The following MACC1 variants were observed in gnomAD, a reference collection of about 807,000 sequenced individuals.
MACC1 encodes the protein metastasis-associated in colon cancer protein 1.
Under a neutral mutation model 70.7 loss-of-function variants are expected in MACC1, and 79 were observed. That is an observed-to-expected ratio of 1.12 (90% CI 0.93 to 1.35). The LOEUF (loss-of-function observed/expected upper bound fraction) is 1.35, where lower values mean the gene tolerates loss of function less well. Among genes scored for constraint, MACC1 ranks in the 40% most tolerant of loss-of-function variants. The probability of loss-of-function intolerance (pLI) is 0.00; values close to 1 mark genes in which losing one functional copy is unlikely to be tolerated. For missense variants in MACC1, 1,106 were observed against 978.1 expected, an observed-to-expected ratio of 1.13 and a Z score of -1.74; for synonymous variants, 361 against 347.2, an observed-to-expected ratio of 1.04 and a Z score of -0.44.
intron 1 of MACC1, among the ~76,000 whole-genome samples, chr7:20,200,144 G>A (rs1248856172): frequency 6.6e-6 from 1 of 151,590 alleles, no homozygotes; most frequent in Non-Finnish European, 1.5e-5. Flanking sequence ...TAAACACCTA[G>A]GAGTGTGTGG....
intron 1 of MACC1, among the ~76,000 whole-genome samples, chr7:20,203,413 A>C (rs3114473): frequency 0.54 from 81,928 of 152,010 alleles, 23,194 homozygotes; most frequent in East Asian, 0.87. Flanking sequence ...GCTGCTGCTG[A>C]TGATGATGAT....
chr7:20,171,947 T>C (rs1332006590), intron 1 of MACC1, among the ~76,000 whole-genome samples: 2 of 152,238 alleles, frequency 1.3e-5, no homozygotes, highest in South Asian at 4.2e-4. Flanking sequence ...AAAACTGCCC[T>C]GGGTAAGAAA....
chr7:20,145,345 G>A (rs10265489), intron 6 of MACC1, among the ~76,000 whole-genome samples: 5 of 152,050 alleles, frequency 3.3e-5, no homozygotes, highest in East Asian at 3.9e-4. Context: ...GGGGGCATAC[G>A]ACAGGTACAA....
chr7:20,147,009 A>T (rs1400941113), intron 6 of MACC1, among the ~76,000 whole-genome samples: 1 of 152,214 alleles, frequency 6.6e-6, no homozygotes, highest in Non-Finnish European at 1.5e-5. Flanking sequence ...AGCGTGAGTA[A>T]GTATTTAACA....
intron 1 of MACC1, among the ~76,000 whole-genome samples, chr7:20,196,923 C>T (rs919141873): frequency 2.6e-5 from 4 of 152,132 alleles, no homozygotes; most frequent in African/African-American, 9.7e-5. Context: ...CCCCACAAAA[C>T]CCCTAATTTT....
intron 1 of MACC1, among the ~76,000 whole-genome samples, chr7:20,182,701 A>T (rs1185751632): frequency 6.6e-6 from 1 of 152,042 alleles, no homozygotes; most frequent in Non-Finnish European, 1.5e-5. Context: ...TTCCCCCATA[A>T]AACACCCAAT....
Position 20,206,084 on chromosome 7 carries a change from T to C in MACC1, c.-218+11215A>G, listed in dbSNP as rs995727012. 5.9e-5 allele frequency among the ~76,000 whole-genome samples: 9 copies of C among 151,790 alleles called. No individual in the cohort carries two copies. The Middle Eastern group carries it at 0.01, about 172-fold the overall frequency. On this transcript the variant is annotated intron_variant, in intron 1 of 6. Coordinates refer to ENST00000400331, the MANE Select transcript of MACC1 (RefSeq NM_182762.4). The stretch of plus-strand genomic sequence containing the variant: ...TCGTCTTTCTCACACATTATCGTCA[T>C]CTGCTTGGTAAATCCACTACCCAGG...
At chr7:20,186,764 T>G (rs1482184047) in intron 1 of MACC1, among the ~76,000 whole-genome samples, 1 of 152,146 alleles carries the variant, frequency 6.6e-6, no homozygotes, top group African/African-American at 2.4e-5. Flanking sequence ...CTACACAATT[T>G]TAATACCCAA....
At chr7:20,183,660 C>T (rs1258477969) in intron 1 of MACC1, among the ~76,000 whole-genome samples, 1 of 151,818 alleles carries the variant, frequency 6.6e-6, no homozygotes, top group Non-Finnish European at 1.5e-5. Context: ...CCTGTAATAT[C>T]CTAATTCCAA....
intron 6 of MACC1, among the ~76,000 whole-genome samples, chr7:20,141,747 G>A (rs142910577): frequency 1.7e-3 from 257 of 152,118 alleles, no homozygotes; most frequent in African/African-American, 6.1e-3. Context: ...CCAATACTCA[G>A]TGCTGCTTCT....
In MACC1 at chr7:20,159,699, T is replaced by C. The variant is rs773473161; in HGVS notation, c.662A>G (p.Gln221Arg). The change falls in exon 5 of 7, where the codon CAA (glutamine) becomes CGA (arginine). Residue 221 changes from glutamine to arginine, a missense_variant. Physicochemically the swap from Gln to Arg is conservative, Grantham distance 43. Transcript: ENST00000400331. Reference sequence around the variant, plus strand: ...TTCAGGTAATTGTACTGACCCTCCTTGATGGTTTACTTTGCAAGCTATGGT... The same window carrying C: ...TTCAGGTAATTGTACTGACCCTCCTCGATGGTTTACTTTGCAAGCTATGGT... ...EVTIACKVNH[Q>R]GGSVQLPESD... The C allele has an allele frequency of 1.2e-6, 2 of 1,614,014 alleles. No individual in the cohort carries two copies. The highest frequency in any genetic ancestry group is 2.2e-5 in the East Asian group (1 of 44,896).
chr7:20,170,235 T>C (rs1782283956), intron 2 of MACC1: 1 of 152,234 alleles, frequency 6.6e-6, no homozygotes, highest in South Asian at 2.1e-4. Context: ...GGTAAAATAT[T>C]GTCTTCAAAA....
rs113098272 is a variant in MACC1 at position 20,140,860 on chromosome 7, CAG to C, written c.*84_*85del. The C allele has an allele frequency of 3.8e-5, 36 of 949,044 alleles. No homozygotes were observed. Among genetic ancestry groups the C allele is most frequent in the Admixed American group, 2.8e-4 (13 of 46,682 alleles). The allele number at this position is 949,044 out of a possible 1,614,324, so 58.8% of individuals were successfully genotyped here. A position where few individuals can be genotyped will look rare whatever the true frequency, so the allele number is the denominator to read the frequency against. On this transcript the variant is annotated 3_prime_UTR_variant, in exon 7 of 7. Transcript: ENST00000400331. Reference sequence around the variant, plus strand: ...ACACAGACACACACACACAGACACACAGAGACACACACAGACACACACAGACA... The same window carrying C: ...ACACAGACACACACACACAGACACACAGACACACACAGACACACACAGACA...
chr7:20,159,461 A>G lies in MACC1; in HGVS notation c.900T>C (p.Pro300=). ...CCATTTCTGTCATGACTTGGCTGAA[A>G]GGATCCTTTCTTACTTCAGCCCCAA... The part of the protein sequence containing the change: ...MKIGAEVRKD[P]FSQVMTEMVC... The change falls in exon 5 of 7, where the codon CCT becomes CCC. Residue 300 remains proline (P), a synonymous_variant. Coordinates refer to ENST00000400331, the MANE Select transcript of MACC1 (RefSeq NM_182762.4). 6.2e-7 allele frequency: 1 copy of G among 1,614,084 alleles called. No individual in the cohort carries two copies.
chr7:20,214,664 C>T (rs1783043312), intron 1 of MACC1, among the ~76,000 whole-genome samples: 1 of 152,032 alleles, frequency 6.6e-6, no homozygotes, highest in South Asian at 2.1e-4. Context: ...ATTGCTTATT[C>T]TGTGAGTGTT....
intron 1 of MACC1, among the ~76,000 whole-genome samples, chr7:20,204,243 C>G (rs987347285): frequency 6.6e-6 from 1 of 152,088 alleles, no homozygotes; most frequent in Non-Finnish European, 1.5e-5. Context: ...CAAACTCCGC[C>G]TCCCGGGTTC....
chr7:20,158,275 C>T lies in MACC1; in HGVS notation c.2086G>A (p.Val696Ile), dbSNP rs1308491345. 1 of 1,611,578 alleles carries T rather than the reference C, an allele frequency of 6.2e-7. No individual in the cohort carries two copies. The highest frequency in any genetic ancestry group is 1.1e-5 in the South Asian group (1 of 90,502). ...CAATCTTCCTTTAACTTCTTTATAACATAAGAAACTTTCTCTGATTCTTTG... is the reference window on the plus strand; with the variant it reads ...CAATCTTCCTTTAACTTCTTTATAATATAAGAAACTTTCTCTGATTCTTTG... Reference protein sequence around the residue: ...ADKESEKVSYVIKKLKEDCHT... With the variant: ...ADKESEKVSYIIKKLKEDCHT... Residue 696 changes from valine to isoleucine, a missense_variant, in exon 5 of 7, where the codon GTT becomes ATT. By Grantham distance (29) the Val-to-Ile change is conservative (BLOSUM62 3). Transcript: ENST00000400331.
intron 6 of MACC1, among the ~76,000 whole-genome samples, chr7:20,151,828 C>A (rs1767177878): frequency 6.6e-6 from 1 of 152,108 alleles, no homozygotes; most frequent in South Asian, 2.1e-4. Context: ...AGTTGCTTAA[C>A]CCTGGCCGCA....
At chr7:20,186,771 CCAAA>C (rs1782594825) in intron 1 of MACC1, among the ~76,000 whole-genome samples, 1 of 151,624 alleles carries the variant, frequency 6.6e-6, no homozygotes, top group Non-Finnish European at 1.5e-5. Flanking sequence ...ATTTTAATAC[CCAAA>C]CAAATTAGTA....
Sources: gnomAD v4.1 joint callset for allele counts (sites outside exome capture counted in the v4.1 genomes callset) on GRCh38, gnomAD v4.1.1 for gene constraint, MANE v1.5 for transcripts, NCBI Gene and HGNC (gene_info 2026-07-23, HGNC 2026-07-21) for gene names.